The following TCEA3 variants were observed in gnomAD, a reference collection of about 807,000 sequenced individuals.
The protein encoded by TCEA3 is transcription elongation factor A protein 3.
Under a neutral mutation model 44.0 loss-of-function variants are expected in TCEA3, and 36 were observed. The ratio of observed to expected loss-of-function variants is 0.82; its 90% CI spans 0.63 to 1.08. The LOEUF (loss-of-function observed/expected upper bound fraction) is 1.08. Ranked by LOEUF, TCEA3 falls within the 50% of genes least tolerant of loss-of-function variation. The pLI is 0.00. For synonymous variants in TCEA3, 162 were observed against 159.7 expected (o/e 1.01, Z -0.11); for missense variants, 392 against 441.2 (o/e 0.89, Z 1.00).
rs3765939 is a variant in TCEA3, at chr1:23,408,886, G to A, written c.381-160C>T. Among the ~76,000 whole-genome samples, 413 of 152,300 alleles carry A rather than the reference G, an allele frequency of 2.7e-3. 6 individuals carry two copies. The highest frequency in any genetic ancestry group is 0.027 in the East Asian group (139 of 5,186). ...GGGAGAGGGAGCTCCAGGCGGTGCC[G>A]GCTGGTCATGACCTTCACCTACCCT... On this transcript the variant is annotated intron_variant, in intron 4 of 10. Transcript: ENST00000450454.
At chr1:23,423,248 C>T (rs899125636) in intron 1 of TCEA3, among the ~76,000 whole-genome samples, 5 of 152,186 alleles carry the variant, frequency 3.3e-5, no homozygotes, top group African/African-American at 9.7e-5. Flanking sequence ...AGAAGCAGGT[C>T]TTGTTCGCCA....
At chr1:23,401,249 T>A (rs915263869) in intron 5 of TCEA3, among the ~76,000 whole-genome samples, 2 of 152,216 alleles carry the variant, frequency 1.3e-5, no homozygotes, top group Non-Finnish European at 2.9e-5. Context: ...AGTGCCTCCA[T>A]GCATACCGGT....
chr1:23,407,192 C>G (rs1321344289), intron 5 of TCEA3, among the ~76,000 whole-genome samples: 1 of 152,200 alleles, frequency 6.6e-6, no homozygotes, highest in Non-Finnish European at 1.5e-5. Flanking sequence ...TCATTCCTCA[C>G]ATCCAATCTG....
intron 5 of TCEA3, among the ~76,000 whole-genome samples, chr1:23,400,491 G>A (rs1416824888): frequency 6.6e-6 from 1 of 151,426 alleles, no homozygotes. Flanking sequence ...TTACAGGCAT[G>A]AGCCACTGTG....
Position 23,381,357 on chromosome 1 carries a change from G to A in TCEA3, c.*109C>T. 1 of 751,058 alleles carries A rather than the reference G, an allele frequency of 1.3e-6. No individual in the cohort carries two copies. Among genetic ancestry groups the A allele is most frequent in the Non-Finnish European group, 2.5e-6 (1 of 405,186 alleles). 46.5% of individuals were successfully genotyped at this position (751,058 alleles called of 1,614,324 possible). Reference sequence around the variant, plus strand: ...CCTCTAACTCATACCATCCCACTCAGACAGAGTTCAGTATTTTCCTTCACT... The same window carrying A: ...CCTCTAACTCATACCATCCCACTCAAACAGAGTTCAGTATTTTCCTTCACT... On this transcript the variant is annotated 3_prime_UTR_variant, in exon 11 of 11. Transcript: ENST00000450454.
intron 1 of TCEA3, among the ~76,000 whole-genome samples, chr1:23,419,953 C>T (rs1396141952): frequency 6.6e-6 from 1 of 152,140 alleles, no homozygotes; most frequent in African/African-American, 2.4e-5. Context: ...CCATGGAACC[C>T]TCACCACAAT....
intron 4 of TCEA3, chr1:23,411,457 C>T: frequency 5.1e-6 from 1 of 196,800 alleles, no homozygotes. Flanking sequence ...TGCACCCAGC[C>T]AGAGGTCTCG....
At chr1:23,419,765 GA>G (rs773120344) in intron 1 of TCEA3, among the ~76,000 whole-genome samples, 53 of 152,312 alleles carry the variant, frequency 3.5e-4, no homozygotes, top group South Asian at 6.2e-4. Flanking sequence ...GAGCCCAGGA[GA>G]TGGAGGTTAC....
At chr1:23,401,348 CTTTTATTTATTTTTAA>C (rs1328196059) in intron 5 of TCEA3, among the ~76,000 whole-genome samples, 2 of 152,114 alleles carry the variant, frequency 1.3e-5, no homozygotes, top group African/African-American at 4.8e-5. Flanking sequence ...CATTTCCTAG[CTTTTATTTATTTTTAA>C]TGCAGTTTGA....
chr1:23,405,501 C>T (rs1639518232), intron 5 of TCEA3, among the ~76,000 whole-genome samples: 1 of 152,012 alleles, frequency 6.6e-6, no homozygotes, highest in East Asian at 1.9e-4. Flanking sequence ...GAGGCTGAGG[C>T]AGGAGAATCA....
intron 4 of TCEA3, among the ~76,000 whole-genome samples, chr1:23,412,441 A>G (rs1216919625): frequency 1.3e-5 from 2 of 150,388 alleles, no homozygotes; most frequent in Non-Finnish European, 3.0e-5. Context: ...GGTGGCTCAC[A>G]CCTGTAATCC....
At chr1:23,387,148 C>T (rs1408729278) in intron 9 of TCEA3, 125 bp downstream of exon 9, 21 of 1,296,876 alleles carry the variant, frequency 1.6e-5, no homozygotes, top group South Asian at 3.3e-5. Flanking sequence ...CCACCGCACC[C>T]GGCAAAGCCT....
At chr1:23,415,269 C>G (rs945188830) in intron 4 of TCEA3, among the ~76,000 whole-genome samples, 1 of 152,106 alleles carries the variant, frequency 6.6e-6, no homozygotes, top group Non-Finnish European at 1.5e-5. Context: ...GTGATCCACC[C>G]ACCTCGGCCT....
chr1:23,421,905 T>C (rs939658576), intron 1 of TCEA3, among the ~76,000 whole-genome samples: 2 of 152,228 alleles, frequency 1.3e-5, no homozygotes, highest in African/African-American at 4.8e-5. Flanking sequence ...GCCTCGTGTG[T>C]CACAGCTGTA....
rs752271585 is a variant in TCEA3, at chr1:23,394,008, C to T, written c.690G>A (p.Thr230=). 10 of 1,614,010 alleles carry T rather than the reference C, an allele frequency of 6.2e-6. No individual in the cohort carries two copies. The highest frequency in any genetic ancestry group is 1.7e-4 in the Middle Eastern group (1 of 6,060). ...EDHIYQELKS[T]DMKYRNRVRS... ...GCACGCGGTTCCGGTACTTCATGTC[C>T]GTGCTCTTGAGCTCTTGGTAGATAT... Residue 230 remains threonine (T), a synonymous_variant, in exon 8 of 11, where the codon ACG becomes ACA. Coordinates refer to ENST00000450454, the MANE Select transcript of TCEA3 (RefSeq NM_003196.3).
intron 9 of TCEA3, among the ~76,000 whole-genome samples, chr1:23,386,869 C>T (rs1442711902): frequency 1.3e-5 from 2 of 152,192 alleles, no homozygotes; most frequent in Admixed American, 6.5e-5. Context: ...TACAGGTGCC[C>T]GCCACCACAC....
intron 4 of TCEA3, among the ~76,000 whole-genome samples, chr1:23,410,673 G>A (rs961677145): frequency 6.6e-6 from 1 of 151,964 alleles, no homozygotes; most frequent in African/African-American, 2.4e-5. Context: ...ATGGTGGTGT[G>A]CACGTGTAAT....
At chr1:23,392,683 T>TCA (rs1316947632) in intron 8 of TCEA3, among the ~76,000 whole-genome samples, 6 of 65,038 alleles carry the variant, frequency 9.2e-5, no homozygotes, top group Admixed American at 8.7e-4. Context: ...ACTCCACACA[T>TCA]CACACACACA....
chr1:23,402,687 T>C (rs908613219), intron 5 of TCEA3, among the ~76,000 whole-genome samples: 2 of 152,214 alleles, frequency 1.3e-5, no homozygotes, highest in Non-Finnish European at 2.9e-5. Flanking sequence ...TCCAAGTGTA[T>C]GATTAGCTTG....
Sources: allele counts gnomAD v4.1 joint callset (sites outside exome capture counted in the v4.1 genomes callset), GRCh38; gene constraint gnomAD v4.1.1; transcripts MANE v1.5; gene names NCBI Gene and HGNC (gene_info 2026-07-23, HGNC 2026-07-21).